PSG3: variants seen among roughly 807,000 people sequenced by gnomAD.
PSG3 encodes pregnancy specific beta-1-glycoprotein 3, also known as pregnancy-specific beta-1-glycoprotein 3.
In PSG3, 61 loss-of-function variants were observed where a neutral mutation model predicts 47.5. The ratio of observed to expected loss-of-function variants is 1.28; its 90% CI spans 1.05 to 1.59. PSG3 has a LOEUF of 1.59. PSG3 is among the 40% of genes most tolerant of loss of function. The pLI, the probability that PSG3 is intolerant of heterozygous loss-of-function variation, is 0.00. For synonymous variants in PSG3, 263 were observed against 198.4 expected (o/e 1.33, Z -2.74); for missense variants, 756 against 524.0 (o/e 1.44, Z -4.32).
At chr19:42,724,304 G>A (rs1177999018) in intron 5 of PSG3, among the ~76,000 whole-genome samples, 1 of 152,118 alleles carries the variant, frequency 6.6e-6, no homozygotes, top group African/African-American at 2.4e-5. Flanking sequence ...TATTTTCTAT[G>A]TCATTAGAAC....
At chr19:42,727,768 C>T (rs1226513643) in intron 5 of PSG3, among the ~76,000 whole-genome samples, 1 of 152,190 alleles carries the variant, frequency 6.6e-6, no homozygotes, top group African/African-American at 2.4e-5. Flanking sequence ...AATTCCACTT[C>T]TGGACATAAT....
At position 42,732,818 on chromosome 19, in the gene PSG3, G is replaced by T. The variant is rs376185249; in HGVS notation, c.675C>A (p.Ala225=). 2.3e-5 allele frequency: 37 copies of T among 1,614,084 alleles called. No individual in the cohort carries two copies. Among genetic ancestry groups the T allele is most frequent in the Non-Finnish European group, 2.9e-5 (34 of 1,180,026 alleles). ...TCAGGGTGACTGGGTCACTGCGGCT[G>T]GCACTCACTGGGTTCCGTATTTCAC... ...YECEIRNPVS[A]SRSDPVTLNL... is the part of the protein sequence containing the mutation. Residue 225 remains alanine (A), a synonymous_variant, in exon 3 of 7, where the codon GCC becomes GCA. Coordinates refer to ENST00000327495, the MANE Select transcript of PSG3 (RefSeq NM_021016.4).
At chr19:42,735,052 G>A (rs907646662) in intron 2 of PSG3, among the ~76,000 whole-genome samples, 2 of 152,168 alleles carry the variant, frequency 1.3e-5, no homozygotes, top group African/African-American at 4.8e-5. Context: ...GTTGTATGTG[G>A]CACAGGCAGT....
chr19:42,739,277 G>C, intron 1 of PSG3, 188 bp from the exon 2 acceptor site: 1 of 1,051,268 alleles, frequency 9.5e-7, no homozygotes, highest in East Asian at 2.5e-5. Flanking sequence ...CTCCTACTAG[G>C]TGAAGGTCAG....
intron 2 of PSG3, among the ~76,000 whole-genome samples, chr19:42,737,157 C>T (rs970795351): frequency 1.3e-5 from 2 of 152,082 alleles, no homozygotes; most frequent in Non-Finnish European, 2.9e-5. Context: ...CCTGAGAACC[C>T]TCCGGTGGCC....
rs748775310 is a variant in PSG3, at chr19:42,729,900, G to A, written c.866C>T (p.Pro289Leu). 3 of 1,612,170 alleles carry A rather than the reference G, an allele frequency of 1.9e-6. No homozygotes were observed. The Admixed American group carries it at 5.0e-5, about 27-fold the overall frequency. Residue 289 changes from proline (P) to leucine (L), a missense_variant, in exon 4 of 7, where the codon CCC (proline) becomes CTC (leucine). Pro to Leu is a moderately conservative substitution (Grantham distance 98). Coordinates refer to ENST00000327495, the MANE Select transcript of PSG3 (RefSeq NM_021016.4). ...TAGAATGAGGATCCTGTTTTCAATGGGTCGCTTTACCCTGGGACTGACCGG... is the reference window on the plus strand; with the variant it reads ...TAGAATGAGGATCCTGTTTTCAATGAGTCGCTTTACCCTGGGACTGACCGG... ...SLPVSPRVKR[P>L]IENRILILPS...
intron 1 of PSG3, among the ~76,000 whole-genome samples, chr19:42,739,784 TGTG>T (rs1969637733): frequency 6.6e-6 from 1 of 152,232 alleles, no homozygotes; most frequent in Non-Finnish European, 1.5e-5. Flanking sequence ...TTTTTCAAAA[TGTG>T]GTGGCCCCTG....
chr19:42,737,939 C>T (rs761197803), intron 2 of PSG3, among the ~76,000 whole-genome samples: 6 of 152,374 alleles, frequency 3.9e-5, no homozygotes, highest in East Asian at 3.9e-4. Context: ...TTCACACAAA[C>T]AGCATTTATT....
chr19:42,736,789 A>G (rs540969440), intron 2 of PSG3, among the ~76,000 whole-genome samples: 4 of 152,136 alleles, frequency 2.6e-5, no homozygotes, highest in Admixed American at 6.5e-5. Flanking sequence ...TACAGTGGAA[A>G]CTCATTCTCT....
intron 1 of PSG3, among the ~76,000 whole-genome samples, chr19:42,739,924 G>T (rs749054895): frequency 4.6e-5 from 7 of 151,768 alleles, no homozygotes; most frequent in Non-Finnish European, 8.8e-5. Flanking sequence ...CTCCAACAGA[G>T]ACTTCTTTCC....
In PSG3 at chr19:42,740,409, C is replaced by G. The variant is rs1270507465; in HGVS notation, c.-25G>C. 1.2e-6 allele frequency: 2 copies of G among 1,613,862 alleles called. No individual in the cohort carries two copies. Among genetic ancestry groups the G allele is most frequent in the Non-Finnish European group, 1.7e-6 (2 of 1,179,936 alleles). ...TGGTCTCTGCTGCCTGCGTGTTCTC[C>G]TCTGTGGAGCTGAGCCTAGGATCCA... is the stretch of plus-strand genomic sequence containing the variant. On this transcript the variant is annotated 5_prime_UTR_variant, in exon 1 of 7. Transcript: ENST00000327495.
At position 42,729,236 on chromosome 19, in the gene PSG3, T is replaced by C. The variant is rs752575245; in HGVS notation, c.1130A>G (p.Gln377Arg). The C allele has an allele frequency of 1.1e-5, 18 of 1,614,072 alleles. No individual in the cohort carries two copies. The highest frequency in any genetic ancestry group is 1.4e-5 in the Non-Finnish European group (17 of 1,179,914). Residue 377 changes from glutamine to arginine, a missense_variant, in exon 5 of 7, where the codon CAA becomes CGA. Physicochemically the swap from Gln to Arg is conservative, Grantham distance 43 (BLOSUM62 1). Transcript: ENST00000327495. ...TINGKFQLSG[Q>R]KLFIPQITTK... ...AGTAATCTGGGGGATAAAGAGCTTT[T>C]GTCCTGATAGCTGAAACTTCCCATT...
intron 2 of PSG3, among the ~76,000 whole-genome samples, chr19:42,734,715 G>T (rs1352042820): frequency 6.6e-6 from 1 of 152,194 alleles, no homozygotes; most frequent in Non-Finnish European, 1.5e-5. Context: ...TCCTTAAGTA[G>T]AGAGAGTCCC....
chr19:42,738,804 G>C lies in PSG3; in HGVS notation c.350C>G (p.Ala117Gly), dbSNP rs1354346079. The C allele has an allele frequency of 1.2e-6, 2 of 1,614,006 alleles. No individual in the cohort carries two copies. The highest frequency in any genetic ancestry group is 2.7e-5 in the African/African-American group (2 of 74,916). Residue 117 changes from alanine to glycine, a missense_variant, in exon 2 of 7, where the codon GCA becomes GGA. By Grantham distance (60) the Ala-to-Gly change is moderately conservative. Transcript: ENST00000327495. ...LLIQNVTREDAGSYTLHIVKR... is the reference protein window; with the variant it reads ...LLIQNVTREDGGSYTLHIVKR... ...TACGATGTGTAAGGTGTAGGATCCT[G>C]CGTCCTCCCGGGTGACATTCTGGAT...
Position 42,729,473 on chromosome 19 carries a change from C to A in PSG3, c.989-96G>T, listed in dbSNP as rs1243112041. On this transcript the variant is annotated intron_variant, in intron 4 of 6. Transcript: ENST00000327495. ...GACACAGTGACCCTCTGAGCCAAGA[C>A]ACACCCTCAAGTGCCAGCCAAACCC... 3 of 1,529,764 alleles carry A rather than the reference C, an allele frequency of 2.0e-6. No individual in the cohort carries two copies. The African/African-American group carries it at 4.2e-5, about 21-fold the overall frequency. The allele number at this position is 1,529,764 out of a possible 1,614,324, so 94.8% of individuals were successfully genotyped here. A position where few individuals can be genotyped will look rare whatever the true frequency, so the allele number is the denominator to read the frequency against.
chr19:42,732,064 C>G (rs1306314036), intron 3 of PSG3: 1 of 154,044 alleles, frequency 6.5e-6, no homozygotes, highest in Non-Finnish European at 1.5e-5. Context: ...GCAGGTGGCT[C>G]TTCCCTGATA....
intron 5 of PSG3, among the ~76,000 whole-genome samples, chr19:42,726,065 T>G (rs1969373660): frequency 6.6e-6 from 1 of 152,084 alleles, no homozygotes; most frequent in Admixed American, 6.6e-5. Flanking sequence ...TAATCAGTAA[T>G]AAGATTGAAT....
In PSG3 at chr19:42,740,256, C is replaced by A. The variant is rs186126863; in HGVS notation, c.64+65G>T. On this transcript the variant is annotated intron_variant, in intron 1 of 6. Transcript: ENST00000327495. The stretch of plus-strand genomic sequence containing the variant: ...TTTTTTAGAACCCCAGGAGTCTCTC[C>A]AGGAGACCCCATCCAGTCACTCTGC... The A allele has an allele frequency of 3.4e-5, 55 of 1,613,222 alleles. No individual in the cohort carries two copies. In the African/African-American group the frequency reaches 6.7e-4, roughly 20 times the overall value.
intron 5 of PSG3, among the ~76,000 whole-genome samples, chr19:42,727,716 C>G (rs1037437106): frequency 1.3e-5 from 2 of 152,190 alleles, no homozygotes; most frequent in African/African-American, 4.8e-5. Flanking sequence ...TGGTGTGGCT[C>G]TCTCTCAAAA....
Sources: allele counts gnomAD v4.1 joint callset (sites outside exome capture counted in the v4.1 genomes callset), GRCh38; gene constraint gnomAD v4.1.1; transcripts MANE v1.5; gene names NCBI Gene and HGNC (gene_info 2026-07-23, HGNC 2026-07-21).